The following MINDY3 variants were observed in gnomAD, a reference collection of about 807,000 sequenced individuals.
The protein encoded by MINDY3 is MINDY lysine 48 deubiquitinase 3.
In MINDY3, 38 loss-of-function variants were observed where a neutral mutation model predicts 69.2. That is an observed-to-expected ratio of 0.55 (90% CI 0.42 to 0.72). The LOEUF is 0.72. Ranked by LOEUF, MINDY3 falls within the 30% of genes least tolerant of loss-of-function variation. MINDY3 has a pLI of 0.00. For missense variants in MINDY3, 522 were observed against 519.0 expected, an observed-to-expected ratio of 1.01 and a Z score of -0.06; for synonymous variants, 192 against 180.1, an observed-to-expected ratio of 1.07 and a Z score of -0.53.
At chr10:15,860,178 T>A in intron 1 of MINDY3, 28 bp downstream of exon 1, 1 of 1,546,168 alleles carries the variant, frequency 6.5e-7, no homozygotes, top group East Asian at 2.3e-5. Flanking sequence ...AAGCAGCGGC[T>A]GCAAGTGTGA....
intron 8 of MINDY3, among the ~76,000 whole-genome samples, chr10:15,824,679 T>G (rs1194920426): frequency 6.6e-6 from 1 of 152,168 alleles, no homozygotes; most frequent in African/African-American, 2.4e-5. Context: ...GGGAAACAGT[T>G]TCACAATTTA....
intron 10 of MINDY3, among the ~76,000 whole-genome samples, chr10:15,798,756 G>T (rs1433194966): frequency 6.6e-6 from 1 of 150,868 alleles, no homozygotes; most frequent in East Asian, 1.9e-4. Flanking sequence ...CTCCAGCCTG[G>T]GCAACAGGGC....
Position 15,834,570 on chromosome 10 carries a change from A to G in MINDY3, c.623T>C (p.Leu208Ser). Residue 208 changes from leucine (L) to serine (S), a missense_variant, in exon 7 of 15, where the codon TTG becomes TCG. Coordinates refer to ENST00000277632, the MANE Select transcript of MINDY3 (RefSeq NM_024948.4). ...KNEIEDASEPLIDPVYGHGSQ... is the reference protein window; with the variant it reads ...KNEIEDASEPSIDPVYGHGSQ... ...GCCATGTCCATATACAGGATCTATC[A>G]AGGGTTCACTTGCATCTTCAATTTC... The G allele has an allele frequency of 6.2e-7, 1 of 1,611,946 alleles. No homozygotes were observed. Among genetic ancestry groups the G allele is most frequent in the Non-Finnish European group, 8.5e-7 (1 of 1,178,588 alleles).
At chr10:15,807,810 T>C (rs1286748957) in intron 10 of MINDY3, among the ~76,000 whole-genome samples, 1 of 152,122 alleles carries the variant, frequency 6.6e-6, no homozygotes, top group Non-Finnish European at 1.5e-5. Flanking sequence ...AAAAGAAAAT[T>C]CAGGGAAATC....
chr10:15,848,661 AAGAAAG>A (rs1564529365), intron 1 of MINDY3, among the ~76,000 whole-genome samples: 10 of 116,368 alleles, frequency 8.6e-5, no homozygotes, highest in African/African-American at 2.2e-4. Flanking sequence ...AAAAAAAAAA[AAGAAAG>A]AAAAATTAAA....
In MINDY3 at chr10:15,860,474, G is replaced by C; in HGVS notation, c.-175C>G. 8.0e-6 allele frequency: 5 copies of C among 627,520 alleles called. No individual in the cohort carries two copies. The highest frequency in any genetic ancestry group is 7.4e-5 in the South Asian group (4 of 54,292). The allele number at this position is 627,520 out of a possible 1,614,324, so 38.9% of individuals were successfully genotyped here. The stretch of plus-strand genomic sequence containing the variant: ...GCAGAGACCAAGCCTGTCAAGCCAG[G>C]TTGGGGCAGCAGCGAGTTTTCCGTA... On this transcript the variant is annotated 5_prime_UTR_variant, in exon 1 of 15. Transcript: ENST00000277632.
At chr10:15,816,013 C>T (rs1463377721) in intron 10 of MINDY3, among the ~76,000 whole-genome samples, 1 of 151,908 alleles carries the variant, frequency 6.6e-6, no homozygotes, top group Admixed American at 6.6e-5. Context: ...CGCCTGTGAT[C>T]CCAACACTTT....
chr10:15,812,528 G>A (rs1839077123), intron 10 of MINDY3, among the ~76,000 whole-genome samples: 1 of 152,150 alleles, frequency 6.6e-6, no homozygotes, highest in Non-Finnish European at 1.5e-5. Flanking sequence ...ATAGATGTGG[G>A]TCAAAGGATT....
intron 10 of MINDY3, among the ~76,000 whole-genome samples, chr10:15,805,264 A>C (rs1228710762): frequency 6.6e-6 from 1 of 152,154 alleles, no homozygotes; most frequent in Non-Finnish European, 1.5e-5. Context: ...AAAGGCTTAA[A>C]GAATAAACTT....
chr10:15,814,749 C>G (rs767690266), intron 10 of MINDY3, among the ~76,000 whole-genome samples: 1 of 152,124 alleles, frequency 6.6e-6, no homozygotes, highest in Non-Finnish European at 1.5e-5. Flanking sequence ...CTGTTTGACA[C>G]ATGCGACAGC....
chr10:15,828,140 T>C (rs1158211788), intron 8 of MINDY3, among the ~76,000 whole-genome samples: 2 of 152,214 alleles, frequency 1.3e-5, no homozygotes, highest in African/African-American at 4.8e-5. Context: ...TGTACATGAA[T>C]GTACCTCACA....
chr10:15,805,242 T>C (rs1433587408), intron 10 of MINDY3, among the ~76,000 whole-genome samples: 1 of 152,212 alleles, frequency 6.6e-6, no homozygotes, highest in Non-Finnish European at 1.5e-5. Flanking sequence ...CAGATTGCTC[T>C]TCATAATGAT....
intron 1 of MINDY3, among the ~76,000 whole-genome samples, chr10:15,854,185 G>C (rs982540825): frequency 1.3e-5 from 2 of 152,072 alleles, no homozygotes; most frequent in African/African-American, 4.8e-5. Flanking sequence ...TTTAGATTTC[G>C]TATTGCAACT....
At chr10:15,790,015 C>T (rs1837292035) in intron 11 of MINDY3, among the ~76,000 whole-genome samples, 1 of 152,060 alleles carries the variant, frequency 6.6e-6, no homozygotes, top group African/African-American at 2.4e-5. Flanking sequence ...CTTAAATGTA[C>T]AGTGCCCAAT....
At chr10:15,803,200 A>G (rs1430083838) in intron 10 of MINDY3, among the ~76,000 whole-genome samples, 3 of 152,144 alleles carry the variant, frequency 2.0e-5, no homozygotes, top group Non-Finnish European at 4.4e-5. Context: ...TATTCCCATT[A>G]AAGTGTTTCA....
At chr10:15,792,327 G>A (rs1178717236) in intron 11 of MINDY3, among the ~76,000 whole-genome samples, 1 of 152,062 alleles carries the variant, frequency 6.6e-6, no homozygotes, top group African/African-American at 2.4e-5. Flanking sequence ...TTGACTCATA[G>A]CTGCTCGTTA....
chr10:15,800,416 C>T (rs1315811573), intron 10 of MINDY3, among the ~76,000 whole-genome samples: 2 of 152,074 alleles, frequency 1.3e-5, no homozygotes, highest in African/African-American at 4.8e-5. Flanking sequence ...AATTTCATCA[C>T]CATCTCCTGA....
At chr10:15,856,690 C>T (rs897868011) in intron 1 of MINDY3, among the ~76,000 whole-genome samples, 5 of 152,136 alleles carry the variant, frequency 3.3e-5, no homozygotes, top group East Asian at 3.8e-4. Flanking sequence ...AGGCCACTCA[C>T]CCTTTAAAGA....
chr10:15,846,123 G>C (rs1443430746), intron 2 of MINDY3, among the ~76,000 whole-genome samples: 1 of 151,868 alleles, frequency 6.6e-6, no homozygotes, highest in South Asian at 2.1e-4. Context: ...ACGCCTGGCC[G>C]TGATTCTTAA....
Sources: allele counts gnomAD v4.1 joint callset (sites outside exome capture counted in the v4.1 genomes callset), GRCh38; gene constraint gnomAD v4.1.1; transcripts MANE v1.5; gene names NCBI Gene and HGNC (gene_info 2026-07-23, HGNC 2026-07-21).